ZNF292: variants seen among roughly 807,000 people sequenced by gnomAD.
ZNF292 encodes the protein zinc finger protein 292.
ZNF292 carries 26 observed loss-of-function variants against 217.9 expected under a neutral mutation model. The ratio of observed to expected loss-of-function variants is 0.12; its 90% CI spans 0.09 to 0.17. ZNF292 has a LOEUF of 0.17. ZNF292 is among the 10% of genes least tolerant of loss of function. The probability of loss-of-function intolerance (pLI) is 1.00; values close to 1 mark genes in which losing one functional copy is unlikely to be tolerated. For synonymous variants in ZNF292, 1,257 were observed against 1,124.1 expected, an observed-to-expected ratio of 1.12 and a Z score of -2.37; for missense variants, 2,904 against 3,175.2, an observed-to-expected ratio of 0.91 and a Z score of 2.05.
At chr6:87,240,849 T>A (rs1014368067) in intron 5 of ZNF292, among the ~76,000 whole-genome samples, 2 of 152,244 alleles carry the variant, frequency 1.3e-5, no homozygotes, top group Admixed American at 6.5e-5. Context: ...TATGAATATA[T>A]GGCCTTAGTA....
intron 7 of ZNF292, among the ~76,000 whole-genome samples, chr6:87,251,771 G>A (rs1481168167): frequency 6.6e-6 from 1 of 152,086 alleles, no homozygotes; most frequent in African/African-American, 2.4e-5. Flanking sequence ...CACATGAAAG[G>A]TCAGAAGGAA....
rs769670839 is a variant in ZNF292, at chr6:87,260,270, G to A, written c.6641G>A (p.Gly2214Glu). The A allele has an allele frequency of 6.2e-6, 10 of 1,613,570 alleles. No homozygotes were observed. The Admixed American group carries it at 1.7e-4, about 27-fold the overall frequency. The part of the protein sequence containing the change: ...IESMTASVDV[G>E]KFPCDQLECK... ...AGTATGACTGCTTCAGTGGATGTTG[G>A]GAAGTTTCCATGTGACCAGTTAGAG... The change falls in exon 8 of 8, where the codon GGG (glycine) becomes GAG (glutamate). Residue 2214 changes from glycine (G) to glutamate (E), a missense_variant. Physicochemically the swap from Gly to Glu is moderately conservative, Grantham distance 98. Transcript: ENST00000369577.
At chr6:87,250,641 A>T (rs1278303093) in intron 7 of ZNF292, among the ~76,000 whole-genome samples, 1 of 152,234 alleles carries the variant, frequency 6.6e-6, no homozygotes, top group South Asian at 2.1e-4. Flanking sequence ...ATGCCATTTT[A>T]TATAAGGGAC....
At position 87,261,745 on chromosome 6, in the gene ZNF292, A is replaced by C; in HGVS notation, c.8116A>C (p.Met2706Leu). Residue 2706 changes from methionine (M) to leucine (L), a missense_variant, in exon 8 of 8, where the codon ATG becomes CTG. Around this residue, in one of 15 missense-constraint regions of ZNF292, gnomAD observed 380 missense variants for 355.3 expected, o/e 1.07. Coordinates refer to ENST00000369577, the MANE Select transcript of ZNF292 (RefSeq NM_015021.3). ...TGAAGTACATTCAAATGATCCAGAT[A>C]TGTCTGTTATGAAAGATATCAGTAT... is the stretch of plus-strand genomic sequence containing the variant. Reference protein sequence around the residue: ...KLEVHSNDPDMSVMKDISIGK... With the variant: ...KLEVHSNDPDLSVMKDISIGK... The C allele has an allele frequency of 1.9e-6, 3 of 1,612,966 alleles. No individual in the cohort carries two copies. The highest frequency in any genetic ancestry group is 2.5e-6 in the Non-Finnish European group (3 of 1,179,226).
intron 1 of ZNF292, among the ~76,000 whole-genome samples, chr6:87,183,042 G>C (rs559602069): frequency 3.9e-5 from 6 of 152,210 alleles, no homozygotes; most frequent in African/African-American, 1.4e-4. Flanking sequence ...CTTCTGTGTA[G>C]GAGTCAGTTT....
At chr6:87,189,448 T>C (rs548815817) in intron 1 of ZNF292, among the ~76,000 whole-genome samples, 1 of 152,128 alleles carries the variant, frequency 6.6e-6, no homozygotes, top group South Asian at 2.1e-4. Flanking sequence ...CTTAGGTTTT[T>C]CTTAATTTTT....
chr6:87,175,341 G>T (rs1448748507), intron 1 of ZNF292, among the ~76,000 whole-genome samples: 1 of 152,098 alleles, frequency 6.6e-6, no homozygotes, highest in Non-Finnish European at 1.5e-5. Flanking sequence ...CCATACAAAA[G>T]AAAATGTTCT....
At chr6:87,204,543 T>C (rs1772185962) in intron 1 of ZNF292, among the ~76,000 whole-genome samples, 1 of 146,920 alleles carries the variant, frequency 6.8e-6, no homozygotes, top group Non-Finnish European at 1.5e-5. Context: ...ATTTGGTTGG[T>C]AACATTTAGG....
intron 3 of ZNF292, 108 bp from the exon 4 acceptor site, chr6:87,218,488 T>G: frequency 2.3e-6 from 2 of 874,432 alleles, no homozygotes; most frequent in Non-Finnish European, 3.2e-6. Flanking sequence ...TGATGTGAAA[T>G]TTTTAAGATG....
At chr6:87,243,438 C>G in intron 5 of ZNF292, 37 bp from the exon 6 acceptor site, 1 of 1,503,638 alleles carries the variant, frequency 6.7e-7, no homozygotes, top group Non-Finnish European at 8.9e-7. Context: ...TAATATAAAA[C>G]CATTTTGTGG....
intron 4 of ZNF292, among the ~76,000 whole-genome samples, chr6:87,219,332 G>A (rs1772958009): frequency 6.6e-6 from 1 of 152,018 alleles, no homozygotes; most frequent in African/African-American, 2.4e-5. Context: ...AGATTATTTA[G>A]GAAAATGTGC....
chr6:87,176,829 A>G (rs936295509), intron 1 of ZNF292, among the ~76,000 whole-genome samples: 2 of 152,100 alleles, frequency 1.3e-5, no homozygotes, highest in East Asian at 1.9e-4. Context: ...CATTATTTTT[A>G]TAGACTTTTA....
At chr6:87,245,765 T>C (rs1774545802) in intron 7 of ZNF292, 121 bp downstream of exon 7, 1 of 636,286 alleles carries the variant, frequency 1.6e-6, no homozygotes, top group Non-Finnish European at 2.5e-6. Context: ...GTTAGTCCTT[T>C]GAACATTTTC....
Position 87,215,988 on chromosome 6 carries a change from A to G in ZNF292, c.254A>G (p.Tyr85Cys), listed in dbSNP as rs572175229. ...LEVYTVAIQS[Y>C]VKARPYLTSE... Reference sequence around the variant, plus strand: ...GTATACACAGTGGCTATCCAAAGTTATGTTAAAGCCCGACCTTATCTTACC... The same window carrying G: ...GTATACACAGTGGCTATCCAAAGTTGTGTTAAAGCCCGACCTTATCTTACC... Residue 85 changes from tyrosine to cysteine, a missense_variant, in exon 2 of 8, where the codon TAT becomes TGT. Tyr to Cys is a radical substitution (Grantham distance 194). This residue lies in a region of ZNF292 where 313 missense variants were observed against 451.0 expected (regional missense o/e 0.69). Coordinates refer to ENST00000369577, the MANE Select transcript of ZNF292 (RefSeq NM_015021.3). 5 of 1,590,042 alleles carry G rather than the reference A, an allele frequency of 3.1e-6. No homozygotes were observed. Among genetic ancestry groups the G allele is most frequent in the East Asian group, 4.5e-5 (2 of 44,702 alleles).
In ZNF292 at chr6:87,260,801, A is replaced by T. The variant is rs759809296; in HGVS notation, c.7172A>T (p.Lys2391Met). Residue 2391 changes from lysine to methionine, a missense_variant, in exon 8 of 8, where the codon AAG (lysine) becomes ATG (methionine). Lys to Met is a moderately conservative substitution (Grantham distance 95, BLOSUM62 -1). This residue lies in a region of ZNF292 where 27 missense variants were observed against 52.3 expected (regional missense o/e 0.52). Coordinates refer to ENST00000369577, the MANE Select transcript of ZNF292 (RefSeq NM_015021.3). The part of the protein sequence containing the change: ...RFVTQYPCMI[K>M]GCTSVVTSES... ...GTAACCCAGTATCCATGTATGATAA[A>T]GGGATGTACTTCAGTTGTTACAAGT... The T allele has an allele frequency of 1.9e-6, 3 of 1,613,152 alleles. No homozygotes were observed. Among genetic ancestry groups the T allele is most frequent in the Admixed American group, 1.7e-5 (1 of 59,834 alleles).
chr6:87,202,832 A>G (rs940900557), intron 1 of ZNF292, among the ~76,000 whole-genome samples: 2 of 151,914 alleles, frequency 1.3e-5, no homozygotes, highest in African/African-American at 4.8e-5. Flanking sequence ...GAAAGAGACC[A>G]CATTCACATA....
chr6:87,250,086 GT>G (rs1173223974), intron 7 of ZNF292, among the ~76,000 whole-genome samples: 1 of 148,868 alleles, frequency 6.7e-6, no homozygotes, highest in Non-Finnish European at 1.5e-5. Flanking sequence ...CTACTCATAT[GT>G]TAATTTAAAA....
chr6:87,180,464 G>A (rs1303168573), intron 1 of ZNF292, among the ~76,000 whole-genome samples: 3 of 152,170 alleles, frequency 2.0e-5, no homozygotes, highest in East Asian at 1.9e-4. Flanking sequence ...CAGCCCCAGC[G>A]TCAGCTTAGT....
At chr6:87,184,719 C>T (rs1249023495) in intron 1 of ZNF292, among the ~76,000 whole-genome samples, 2 of 152,106 alleles carry the variant, frequency 1.3e-5, no homozygotes, top group African/African-American at 4.8e-5. Flanking sequence ...TCTGGGGTTG[C>T]TGTAGCAAAG....
Sources: allele counts gnomAD v4.1 joint callset (sites outside exome capture counted in the v4.1 genomes callset), GRCh38; gene constraint gnomAD v4.1.1; regional missense constraint gnomAD v4.1.1; transcripts MANE v1.5; gene names NCBI Gene and HGNC (gene_info 2026-07-23, HGNC 2026-07-21).